Variants in LRMDA observed in about 807,000 individuals in gnomAD.
LRMDA encodes the protein leucine rich melanocyte differentiation associated, also known as leucine-rich melanocyte differentiation-associated protein.
A neutral mutation model predicts 29.8 loss-of-function variants in LRMDA; 18 were observed. The observed-to-expected ratio is 0.60, with a 90% CI of 0.42 to 0.90. LRMDA has a LOEUF of 0.90. LRMDA is among the 40% of genes least tolerant of loss of function. The pLI is 0.00. For synonymous variants in LRMDA, 125 were observed against 109.4 expected, an observed-to-expected ratio of 1.14 and a Z score of -0.89; for missense variants, 273 against 273.9, an observed-to-expected ratio of 1.00 and a Z score of 0.02.
At chr10:76,114,394 A>G (rs1849630795) in intron 5 of LRMDA, among the ~76,000 whole-genome samples, 1 of 152,134 alleles carries the variant, frequency 6.6e-6, no homozygotes, top group African/African-American at 2.4e-5. Flanking sequence ...GCAAGCCCTC[A>G]TTCACCCCAA....
At chr10:76,358,062 G>T (rs1399284767) in intron 6 of LRMDA, among the ~76,000 whole-genome samples, 3 of 152,122 alleles carry the variant, frequency 2.0e-5, no homozygotes, top group Non-Finnish European at 4.4e-5. Context: ...CATATGGAGA[G>T]GTCCTTCCAC....
At chr10:75,698,918 G>A (rs1842271855) in intron 2 of LRMDA, among the ~76,000 whole-genome samples, 1 of 152,020 alleles carries the variant, frequency 6.6e-6, no homozygotes, top group African/African-American at 2.4e-5. Context: ...CAAACTTTCT[G>A]GGCTGGGCAT....
At chr10:76,021,608 C>G (rs1847975278) in intron 2 of LRMDA, among the ~76,000 whole-genome samples, 1 of 152,120 alleles carries the variant, frequency 6.6e-6, no homozygotes, top group Non-Finnish European at 1.5e-5. Context: ...ATCAGGAGAG[C>G]CAGCAGACCT....
chr10:76,244,461 T>C (rs573346794), intron 5 of LRMDA, among the ~76,000 whole-genome samples: 125 of 152,288 alleles, frequency 8.2e-4, no homozygotes, highest in Middle Eastern at 3.4e-3. Context: ...GGAGAAAGCA[T>C]GGTACAGCTG....
chr10:76,216,372 C>CA (rs1206941878), intron 5 of LRMDA, among the ~76,000 whole-genome samples: 4 of 151,866 alleles, frequency 2.6e-5, no homozygotes, highest in Non-Finnish European at 4.4e-5. Flanking sequence ...AAACAAAAAA[C>CA]AAAAAACTGA....
At chr10:75,676,980 T>C (rs1291748946) in intron 2 of LRMDA, among the ~76,000 whole-genome samples, 1 of 152,180 alleles carries the variant, frequency 6.6e-6, no homozygotes, top group Admixed American at 6.5e-5. Context: ...ACTAATATTT[T>C]AATATTTATG....
intron 2 of LRMDA, among the ~76,000 whole-genome samples, chr10:75,734,409 G>C (rs982430179): frequency 1.3e-5 from 2 of 151,956 alleles, no homozygotes; most frequent in African/African-American, 4.8e-5. Flanking sequence ...AAAGTCACAG[G>C]GTGAGTATTC....
chr10:76,508,628 G>A (rs1010636709), intron 6 of LRMDA, among the ~76,000 whole-genome samples: 1 of 150,538 alleles, frequency 6.6e-6, no homozygotes, highest in African/African-American at 2.4e-5. Context: ...TATTTATTGT[G>A]CTATTCCTTA....
At chr10:75,807,079 G>A (rs145334051) in intron 2 of LRMDA, among the ~76,000 whole-genome samples, 2 of 151,776 alleles carry the variant, frequency 1.3e-5, no homozygotes, top group African/African-American at 4.8e-5. Flanking sequence ...GAATCCCTGT[G>A]GGGGGTGAGT....
At chr10:75,504,231 C>T (rs2132071814) in intron 2 of LRMDA, among the ~76,000 whole-genome samples, 1 of 152,226 alleles carries the variant, frequency 6.6e-6, no homozygotes, top group East Asian at 1.9e-4. Flanking sequence ...TGGGCGTAAG[C>T]AATCCACCTG....
intron 5 of LRMDA, among the ~76,000 whole-genome samples, chr10:76,105,046 T>C (rs967269741): frequency 4.6e-5 from 7 of 152,158 alleles, no homozygotes; most frequent in Non-Finnish European, 8.8e-5. Flanking sequence ...TCTTACCTTT[T>C]CTATGAGCCT....
At chr10:75,660,531 G>A (rs1841738790) in intron 2 of LRMDA, among the ~76,000 whole-genome samples, 1 of 152,280 alleles carries the variant, frequency 6.6e-6, no homozygotes, top group South Asian at 2.1e-4. Flanking sequence ...GCTCCGCAGT[G>A]AACCACCTTG....
chr10:76,415,050 C>A (rs914989448), intron 6 of LRMDA, among the ~76,000 whole-genome samples: 1 of 152,230 alleles, frequency 6.6e-6, no homozygotes, highest in Non-Finnish European at 1.5e-5. Flanking sequence ...ACATCCAGGC[C>A]CTTCCCTCTT....
chr10:76,449,962 A>G (rs969121655), intron 6 of LRMDA, among the ~76,000 whole-genome samples: 13 of 151,974 alleles, frequency 8.6e-5, no homozygotes, highest in African/African-American at 3.1e-4. Flanking sequence ...CCATGTTACA[A>G]CAGTTCTTCA....
chr10:75,661,046 C>T (rs932461359), intron 2 of LRMDA, among the ~76,000 whole-genome samples: 13 of 152,310 alleles, frequency 8.5e-5, no homozygotes, highest in African/African-American at 1.9e-4. Context: ...TCACACCTCA[C>T]GCCAGTCCCA....
At chr10:76,071,800 A>G (rs979488155) in intron 5 of LRMDA, among the ~76,000 whole-genome samples, 1 of 152,240 alleles carries the variant, frequency 6.6e-6, no homozygotes, top group African/African-American at 2.4e-5. Flanking sequence ...TTACAAAGAA[A>G]TAGTTCAGAT....
In LRMDA at chr10:76,036,133, G is replaced by A. The variant is rs900123747; in HGVS notation, c.257G>A (p.Arg86Gln). 5 of 1,613,064 alleles carry A rather than the reference G, an allele frequency of 3.1e-6. No homozygotes were observed. The highest frequency in any genetic ancestry group is 4.2e-6 in the Non-Finnish European group (5 of 1,179,798). The change falls in exon 3 of 7, where the codon CGA becomes CAA. Residue 86 changes from arginine to glutamine, a missense_variant and splice_region_variant. Physicochemically the swap from Arg to Gln is conservative, Grantham distance 43. Transcript: ENST00000611255. ...CATACCTTAACCCTCAACAAGAACC[G>A]AATATCCTTTCCTCTGCCCGCTGCC... ...RLHTLTLNKN[R>Q]ITDLENLLDH...
At chr10:76,531,003 A>G (rs911986570) in intron 6 of LRMDA, among the ~76,000 whole-genome samples, 9 of 152,104 alleles carry the variant, frequency 5.9e-5, no homozygotes, top group South Asian at 2.1e-4. Flanking sequence ...TTCCATGTTA[A>G]TGTTTAGATA....
chr10:75,593,906 C>T (rs751631233), intron 2 of LRMDA, among the ~76,000 whole-genome samples: 54 of 152,194 alleles, frequency 3.5e-4, no homozygotes, highest in African/African-American at 1.3e-3. Context: ...TGACTTTTCC[C>T]GTAAAAGGAG....
Sources: gnomAD v4.1 joint callset for allele counts (sites outside exome capture counted in the v4.1 genomes callset) on GRCh38, gnomAD v4.1.1 for gene constraint, MANE v1.5 for transcripts, NCBI Gene and HGNC (gene_info 2026-07-23, HGNC 2026-07-21) for gene names.